VOPP1: variants seen among roughly 807,000 people sequenced by gnomAD.
The protein encoded by VOPP1 is WW domain binding protein VOPP1.
A neutral mutation model predicts 23.5 loss-of-function variants in VOPP1; 8 were observed. The ratio of observed to expected loss-of-function variants is 0.34; its 90% CI spans 0.20 to 0.61. The LOEUF (loss-of-function observed/expected upper bound fraction) is 0.61. VOPP1 is among the 20% of genes least tolerant of loss of function. The pLI, the probability that VOPP1 is intolerant of heterozygous loss-of-function variation, is 0.78. For missense variants in VOPP1, 174 were observed against 238.1 expected (o/e 0.73, Z 1.77); for synonymous variants, 83 against 97.3 (o/e 0.85, Z 0.86).
intron 4 of VOPP1, among the ~76,000 whole-genome samples, chr7:55,489,622 G>A (rs1793416025): frequency 6.6e-6 from 1 of 152,194 alleles, no homozygotes; most frequent in African/African-American, 2.4e-5. Flanking sequence ...TTGAGCTCCT[G>A]CAGGCGCCTC....
intron 1 of VOPP1, among the ~76,000 whole-genome samples, chr7:55,564,237 G>GTCTCTCTCTCTCTCTCTCTC (rs1382166112): frequency 3.5e-4 from 10 of 28,190 alleles, no homozygotes; most frequent in Non-Finnish European, 9.1e-4. Context: ...CTTTCTCTCT[G>GTCTCTCTCTCTCTCTCTCTC]TCTCTGTCTC....
chr7:55,484,621 T>C (rs1035176980), intron 4 of VOPP1, among the ~76,000 whole-genome samples: 1 of 152,162 alleles, frequency 6.6e-6, no homozygotes, highest in Non-Finnish European at 1.5e-5. Flanking sequence ...TGACATTTTT[T>C]CTTTGAAGTA....
intron 3 of VOPP1, 50 bp from the exon 4 acceptor site, chr7:55,492,468 G>A: frequency 1.9e-6 from 3 of 1,555,928 alleles, no homozygotes; most frequent in Non-Finnish European, 2.6e-6. Flanking sequence ...GGGGCCCTGA[G>A]GGCTTGGCCC....
chr7:55,501,531 T>C (rs943716787), intron 2 of VOPP1, among the ~76,000 whole-genome samples: 9 of 152,230 alleles, frequency 5.9e-5, no homozygotes, highest in Admixed American at 5.2e-4. Context: ...CTGTTAACAG[T>C]GCTGGGCTAA....
chr7:55,482,424 T>C (rs1341213499), intron 4 of VOPP1, among the ~76,000 whole-genome samples: 2 of 149,788 alleles, frequency 1.3e-5, no homozygotes, highest in Non-Finnish European at 3.0e-5. Flanking sequence ...CTAGGCTCAC[T>C]GCAAGCTCTG....
At chr7:55,474,281 C>T (rs1022172964) in intron 4 of VOPP1, among the ~76,000 whole-genome samples, 5 of 152,190 alleles carry the variant, frequency 3.3e-5, no homozygotes, top group Admixed American at 6.5e-5. Context: ...ATTTAGAAGT[C>T]GACTTACTGC....
At chr7:55,466,583 G>C (rs944537345), downstream of VOPP1, among the ~76,000 whole-genome samples, 8 of 152,192 alleles carry the variant, frequency 5.3e-5, no homozygotes, top group African/African-American at 1.9e-4. Context: ...GGATTGTGGT[G>C]AATGACCTTG....
intron 4 of VOPP1, among the ~76,000 whole-genome samples, chr7:55,458,779 A>AC (rs1791430285): frequency 6.6e-6 from 1 of 152,128 alleles, no homozygotes; most frequent in Non-Finnish European, 1.5e-5. Flanking sequence ...TTTTCTTGGT[A>AC]AAGTCTTTAG....
intron 1 of VOPP1, among the ~76,000 whole-genome samples, chr7:55,554,196 A>C (rs959919222): frequency 1.3e-5 from 2 of 152,224 alleles, no homozygotes; most frequent in African/African-American, 2.4e-5. Context: ...AAAATGAAAC[A>C]AGGTTACACA....
intron 2 of VOPP1, among the ~76,000 whole-genome samples, chr7:55,514,321 G>A (rs892689340): frequency 1.3e-5 from 2 of 152,178 alleles, no homozygotes; most frequent in Admixed American, 6.5e-5. Context: ...TGGAATAAGC[G>A]GGATGAGACC....
chr7:55,503,673 C>A (rs1794519973), intron 2 of VOPP1, among the ~76,000 whole-genome samples: 1 of 152,158 alleles, frequency 6.6e-6, no homozygotes, highest in Admixed American at 6.5e-5. Flanking sequence ...CAAGGTGAAG[C>A]CCTCGTGACA....
intron 3 of VOPP1, among the ~76,000 whole-genome samples, chr7:55,493,462 A>G (rs1352662420): frequency 6.6e-6 from 1 of 152,258 alleles, no homozygotes; most frequent in Non-Finnish European, 1.5e-5. Context: ...GCCTTTGAGA[A>G]TATTAATGTG....
Position 55,497,919 on chromosome 7 carries a change from C to A in VOPP1, c.114-229G>T, listed in dbSNP as rs17673849. Among the ~76,000 whole-genome samples, 24 of 152,336 alleles carry A rather than the reference C, an allele frequency of 1.6e-4. No homozygotes were observed. In the East Asian group the frequency reaches 4.2e-3, roughly 27 times the overall value. On this transcript the variant is annotated intron_variant, in intron 2 of 4. Transcript: ENST00000285279. Reference sequence around the variant, plus strand: ...TGGGCACAGTCAGGGTGATGCAAAGCCCTGCATTTAACAAGCATCCTGTGT... The same window carrying A: ...TGGGCACAGTCAGGGTGATGCAAAGACCTGCATTTAACAAGCATCCTGTGT...
intron 4 of VOPP1, among the ~76,000 whole-genome samples, chr7:55,491,665 G>A (rs897975163): frequency 1.3e-5 from 2 of 152,212 alleles, no homozygotes; most frequent in African/African-American, 4.8e-5. Flanking sequence ...CTAAGGCAAT[G>A]TTTTACAAGA....
chr7:55,477,849 G>A (rs189950770), intron 4 of VOPP1, among the ~76,000 whole-genome samples: 8 of 152,348 alleles, frequency 5.3e-5, no homozygotes, highest in Admixed American at 4.6e-4. Context: ...GGCTACAGTT[G>A]AGGTTAAAGG....
At chr7:55,455,306 G>A (rs939239212) in intron 4 of VOPP1, among the ~76,000 whole-genome samples, 1 of 152,088 alleles carries the variant, frequency 6.6e-6, no homozygotes, top group East Asian at 1.9e-4. Flanking sequence ...GGAAATAAGA[G>A]AGGACACAAA....
At chr7:55,507,367 G>A (rs1468418156) in intron 2 of VOPP1, among the ~76,000 whole-genome samples, 1 of 152,164 alleles carries the variant, frequency 6.6e-6, no homozygotes, top group African/African-American at 2.4e-5. Context: ...AACATGTGGT[G>A]GGTGAGCTGG....
intron 2 of VOPP1, among the ~76,000 whole-genome samples, chr7:55,517,334 G>C (rs1229233153): frequency 6.6e-6 from 1 of 151,918 alleles, no homozygotes; most frequent in African/African-American, 2.4e-5. Flanking sequence ...TGCTGCATGA[G>C]GCATAGGTAC....
chr7:55,435,739 C>T (rs1274870517), downstream of VOPP1, among the ~76,000 whole-genome samples: 1 of 152,220 alleles, frequency 6.6e-6, no homozygotes. Flanking sequence ...TGAGATCAGT[C>T]GGCTTCACAA....
Sources: allele counts gnomAD v4.1 joint callset (sites outside exome capture counted in the v4.1 genomes callset), GRCh38; gene constraint gnomAD v4.1.1; transcripts MANE v1.5; gene names NCBI Gene and HGNC (gene_info 2026-07-23, HGNC 2026-07-21).